The following CCDC200 variants were observed in gnomAD, a reference collection of about 807,000 sequenced individuals.
CCDC200 encodes coiled-coil domain-containing protein 200.
At chr17:43,225,137 G>A (rs770145177) in intron 1 of CCDC200, among the ~76,000 whole-genome samples, 1 of 151,924 alleles carries the variant, frequency 6.6e-6, no homozygotes, top group Non-Finnish European at 1.5e-5. Context: ...AGGCTCAAGC[G>A]ATCCTTCCAC....
At position 43,225,693 on chromosome 17, in the gene CCDC200, T is replaced by TATATATATATATATATATATAA. The variant is rs1282739067; in HGVS notation, c.106-1145_106-1144insTTATATATATATATATATATAT. On this transcript the variant is annotated intron_variant, in intron 1 of 3. Coordinates refer to ENST00000636331, the MANE Select transcript of CCDC200 (RefSeq NM_001363254.2). ...AAAAAAAAAAAAGTATATATATATA[T>TATATATATATATATATATATAA]TGCATGCTACATGTGTAATTTTAAA... Among the ~76,000 whole-genome samples the TATATATATATATATATATATAA allele has an allele frequency of 1.4e-4, 4 of 28,974 alleles. 1 individual carries two copies. The highest frequency in any genetic ancestry group is 1.9e-4 in the African/African-American group (4 of 21,200). 19.0% of individuals were successfully genotyped at this position (28,974 alleles called of 152,430 possible). A position where few individuals can be genotyped will look rare whatever the true frequency, so the allele number is the denominator to read the frequency against.
chr17:43,222,341 A>G (rs999290912), intron 3 of CCDC200, among the ~76,000 whole-genome samples: 4 of 151,664 alleles, frequency 2.6e-5, no homozygotes, highest in South Asian at 2.1e-4. Context: ...AATTTTTTGT[A>G]TTTTTAGTAG....
intron 1 of CCDC200, among the ~76,000 whole-genome samples, chr17:43,227,951 A>C (rs1413989977): frequency 2.0e-5 from 3 of 150,710 alleles, no homozygotes; most frequent in Admixed American, 1.3e-4. Context: ...TCTACTAAAA[A>C]TACAAAATTA....
At chr17:43,222,671 G>T (rs533297858) in intron 3 of CCDC200, among the ~76,000 whole-genome samples, 43 of 150,454 alleles carry the variant, frequency 2.9e-4, no homozygotes, top group African/African-American at 1.1e-3. Context: ...ACTTACGGCA[G>T]CCTCAACCTC....
At chr17:43,230,678 GAAAAAA>G (rs1194184063), upstream of CCDC200, among the ~76,000 whole-genome samples, 1 of 6,918 alleles carries the variant, frequency 1.4e-4, no homozygotes, top group African/African-American at 2.8e-4. Flanking sequence ...CTTTGTCTCT[GAAAAAA>G]AAAAAAAAAA....
intron 3 of CCDC200, among the ~76,000 whole-genome samples, chr17:43,222,655 A>G (rs1051748317): frequency 1.2e-4 from 18 of 146,374 alleles, no homozygotes; most frequent in African/African-American, 4.6e-4. Context: ...CAGTGGTGTG[A>G]TCACCACTTA....
At chr17:43,228,107 T>TA (rs1598041691) in intron 1 of CCDC200, among the ~76,000 whole-genome samples, 1 of 4,308 alleles carries the variant, frequency 2.3e-4, no homozygotes, top group African/African-American at 1.8e-3. Context: ...AAACTCCATC[T>TA]CAAAAAAAAA....
At chr17:43,230,974 C>T (rs1215565570), upstream of CCDC200, among the ~76,000 whole-genome samples, 2 of 40,410 alleles carry the variant, frequency 4.9e-5, no homozygotes, top group African/African-American at 7.8e-5. Flanking sequence ...AGTGAGACTC[C>T]GTCTCAAAAA....
intron 1 of CCDC200, among the ~76,000 whole-genome samples, chr17:43,225,838 A>G (rs1015203978): frequency 1.4e-5 from 2 of 144,192 alleles, no homozygotes; most frequent in African/African-American, 5.1e-5. Context: ...AGTTCAAGCG[A>G]TTCTCCTGCC....
At position 43,227,376 on chromosome 17, in the gene CCDC200, A is replaced by G. The variant is rs563887194; in HGVS notation, c.105+1074T>C. On this transcript the variant is annotated intron_variant, in intron 1 of 3. Transcript: ENST00000636331. ...CCAGGCATGGTGGTTCACACTTGTC[A>G]ACATTTTGGGAGGCTGAGGTGGGAG... Among the ~76,000 whole-genome samples, 104 of 152,336 alleles carry G rather than the reference A, an allele frequency of 6.8e-4. 1 individual carries two copies. The highest frequency in any genetic ancestry group is 3.5e-3 in the Admixed American group (54 of 15,296).
upstream of CCDC200, among the ~76,000 whole-genome samples, chr17:43,230,813 T>G (rs2057593391): frequency 1.1e-5 from 1 of 89,050 alleles, no homozygotes; most frequent in African/African-American, 2.9e-5. Flanking sequence ...TCCCCGTCTC[T>G]ACTAAAAGTA....
At chr17:43,226,960 A>C (rs2057573440) in intron 1 of CCDC200, among the ~76,000 whole-genome samples, 1 of 152,084 alleles carries the variant, frequency 6.6e-6, no homozygotes, top group Non-Finnish European at 1.5e-5. Flanking sequence ...TTGTTTTAAA[A>C]TATTTATATT....
intron 1 of CCDC200, among the ~76,000 whole-genome samples, chr17:43,225,694 TGC>T (rs2057564124): frequency 4.7e-5 from 1 of 21,308 alleles, no homozygotes; most frequent in African/African-American, 5.5e-5. Flanking sequence ...ATATATATAT[TGC>T]ATGCTACATG....
intron 3 of CCDC200, among the ~76,000 whole-genome samples, chr17:43,222,596 T>C (rs1205518607): frequency 6.6e-6 from 1 of 150,600 alleles, no homozygotes; most frequent in Non-Finnish European, 1.5e-5. Context: ...TTCCTTTTTT[T>C]TTTTTTTTCT....
In CCDC200 at chr17:43,224,535, G is replaced by T. The variant is rs919630484; in HGVS notation, c.120C>A (p.His40Gln). ...CCTCCGATTGTTGTTCTTCCTCCTG[G>T]TGATTCTTCAGTTCCTGGCAAGAAG... ...LQQKEQELKN[H>Q]QEEEQQSEEK... is the part of the protein sequence containing the mutation. The change falls in exon 2 of 4, where the codon CAC (histidine) becomes CAA (glutamine). Residue 40 changes from histidine to glutamine, a missense_variant. By Grantham distance (24) the His-to-Gln change is conservative (BLOSUM62 0). Transcript: ENST00000636331. 2 of 152,930 alleles carry T rather than the reference G, an allele frequency of 1.3e-5. No homozygotes were observed. Among genetic ancestry groups the T allele is most frequent in the Non-Finnish European group, 2.9e-5 (2 of 68,106 alleles). 9.5% of individuals were successfully genotyped at this position (152,930 alleles called of 1,614,324 possible).
At chr17:43,222,966 G>A (rs538464971) in intron 3 of CCDC200, among the ~76,000 whole-genome samples, 21 of 151,716 alleles carry the variant, frequency 1.4e-4, no homozygotes, top group Non-Finnish European at 2.4e-4. Context: ...ATGGGGTTTC[G>A]CCATGTTGGC....
chr17:43,230,678 G>GAAA (rs1194184063), upstream of CCDC200, among the ~76,000 whole-genome samples: 13 of 6,918 alleles, frequency 1.9e-3, 2 homozygotes, highest in African/African-American at 3.3e-3. Context: ...CTTTGTCTCT[G>GAAA]AAAAAAAAAA....
intron 3 of CCDC200, among the ~76,000 whole-genome samples, chr17:43,222,773 GTT>G (rs542275017): frequency 1.4e-3 from 184 of 127,278 alleles, no homozygotes; most frequent in Middle Eastern, 0.012. Flanking sequence ...TTTTTTTTTC[GTT>G]TTTTTTTTTT....
In CCDC200 at chr17:43,222,773, GTTTTTTTTT is replaced by G. The variant is rs542275017; in HGVS notation, c.480+774_480+782del. ...CCAGCTAGTTTTGTTTTTTTTTTTCGTTTTTTTTTTTTTTTTAAACGAAGTCTCGCTCTG... is the reference window on the plus strand; with the variant it reads ...CCAGCTAGTTTTGTTTTTTTTTTTCGTTTTTTTAAACGAAGTCTCGCTCTG... On this transcript the variant is annotated intron_variant, in intron 3 of 3. Transcript: ENST00000636331. Among the ~76,000 whole-genome samples, 93 of 127,330 alleles carry G rather than the reference GTTTTTTTTT, an allele frequency of 7.3e-4. 1 individual carries two copies. Among genetic ancestry groups the G allele is most frequent in the African/African-American group, 2.7e-3 (90 of 33,794 alleles). The allele number at this position is 127,330 out of a possible 152,430, so 83.5% of individuals were successfully genotyped here.
Sources: allele counts gnomAD v4.1 joint callset (sites outside exome capture counted in the v4.1 genomes callset), GRCh38; gene constraint gnomAD v4.1.1; transcripts MANE v1.5; gene names NCBI Gene and HGNC (gene_info 2026-07-23, HGNC 2026-07-21).